MTMR7: variants seen among roughly 807,000 people sequenced by gnomAD.
MTMR7 encodes myotubularin related protein 7, also known as phosphatidylinositol-3-phosphate phosphatase MTMR7.
In MTMR7, 76 loss-of-function variants were observed where a neutral mutation model predicts 81.2. The ratio of observed to expected loss-of-function variants is 0.94; its 90% confidence interval spans 0.78 to 1.13. MTMR7 has a LOEUF of 1.13. MTMR7 is among the 50% of genes most tolerant of loss of function. The probability of loss-of-function intolerance (pLI) is 0.00; values close to 1 mark genes in which losing one functional copy is unlikely to be tolerated. For missense variants in MTMR7, 1,044 were observed against 820.0 expected (o/e 1.27, Z -3.34); for synonymous variants, 372 against 289.8 (o/e 1.28, Z -2.88).
intron 1 of MTMR7, among the ~76,000 whole-genome samples, chr8:17,390,703 A>G (rs1050196884): frequency 3.3e-5 from 5 of 152,176 alleles, no homozygotes; most frequent in Non-Finnish European, 5.9e-5. Context: ...GAAACTTACA[A>G]TCATGGCAGA....
intron 9 of MTMR7, among the ~76,000 whole-genome samples, chr8:17,310,787 A>G (rs1305263824): frequency 6.6e-6 from 1 of 152,182 alleles, no homozygotes; most frequent in Non-Finnish European, 1.5e-5. Flanking sequence ...CTCCTTTGTC[A>G]GCATCTTGTG....
At chr8:17,331,002 T>A in intron 7 of MTMR7, 148 bp downstream of exon 7, 1 of 920,308 alleles carries the variant, frequency 1.1e-6, no homozygotes, top group South Asian at 1.9e-5. Context: ...GAAACGTTCT[T>A]AAGTGTTTAA....
chr8:17,308,063 AATG>A (rs1817575643), intron 10 of MTMR7, among the ~76,000 whole-genome samples: 2 of 151,972 alleles, frequency 1.3e-5, no homozygotes, highest in Non-Finnish European at 2.9e-5. Context: ...ATAAAAATAA[AATG>A]AGGAAGAAAA....
At position 17,296,879 on chromosome 8, in the gene MTMR7, C is replaced by CCAGT. The variant is rs1256727199; in HGVS notation, c.*2979_*2982dup. The CCAGT allele has an allele frequency of 1.3e-5, 2 of 152,036 alleles. No individual in the cohort carries two copies. The allele number at this position is 152,036 out of a possible 1,614,324, so 9.4% of individuals were successfully genotyped here. A position where few individuals can be genotyped will look rare whatever the true frequency, so the allele number is the denominator to read the frequency against. The stretch of plus-strand genomic sequence containing the variant: ...ATTCATTGGATAACCTTGTTACAAC[C>CCAGT]CAGTCATGAAACAGAGCAGTGTGAT... On this transcript the variant is annotated 3_prime_UTR_variant, in exon 14 of 14. Transcript: ENST00000180173.
At chr8:17,395,287 T>C (rs1441370766) in intron 1 of MTMR7, among the ~76,000 whole-genome samples, 2 of 152,214 alleles carry the variant, frequency 1.3e-5, no homozygotes, top group Non-Finnish European at 1.5e-5. Context: ...CCATTGCATG[T>C]ACATATCATA....
chr8:17,339,902 A>G (rs1023637258), intron 6 of MTMR7, among the ~76,000 whole-genome samples: 4 of 152,198 alleles, frequency 2.6e-5, no homozygotes, highest in Non-Finnish European at 5.9e-5. Context: ...TGAACTTCTC[A>G]CCCCACAGGA....
At chr8:17,345,317 G>T (rs1047678351) in intron 5 of MTMR7, among the ~76,000 whole-genome samples, 1 of 152,208 alleles carries the variant, frequency 6.6e-6, no homozygotes, top group Non-Finnish European at 1.5e-5. Flanking sequence ...CCAGAAGCAG[G>T]TTTTAGTTCC....
intron 11 of MTMR7, 29 bp downstream of exon 11, chr8:17,305,721 ATAAAAGT>A (rs1196414211): frequency 6.5e-7 from 1 of 1,542,830 alleles, no homozygotes; most frequent in Non-Finnish European, 8.8e-7. Context: ...AAATCTTTAA[ATAAAAGT>A]TAAACACCAA....
At position 17,371,154 on chromosome 8, in the gene MTMR7, C is replaced by G; in HGVS notation, c.193G>C (p.Ala65Pro). 6.2e-7 allele frequency: 1 copy of G among 1,614,120 alleles called. No homozygotes were observed. Among genetic ancestry groups the G allele is most frequent in the South Asian group, 1.1e-5 (1 of 91,066 alleles). ...CGAATCAGCAGAGGGCATCCGGTAG[C>G]GGTTGTTGCCTGTTTCTCAATGGTG... ...ISTIEKQATT[A>P]TGCPLLIRCK... The change falls in exon 3 of 14, where the codon GCT (alanine) becomes CCT (proline). Residue 65 changes from alanine to proline, a missense_variant. By Grantham distance (27) the Ala-to-Pro change is conservative (BLOSUM62 -1). Coordinates refer to ENST00000180173, the MANE Select transcript of MTMR7 (RefSeq NM_004686.5).
chr8:17,364,408 G>A (rs943409678), intron 3 of MTMR7, among the ~76,000 whole-genome samples: 1 of 152,146 alleles, frequency 6.6e-6, no homozygotes, highest in Non-Finnish European at 1.5e-5. Context: ...ATTGCCTCAA[G>A]TATTTAACAT....
At chr8:17,359,454 G>C (rs1377755853) in intron 4 of MTMR7, among the ~76,000 whole-genome samples, 1 of 151,782 alleles carries the variant, frequency 6.6e-6, no homozygotes, top group Non-Finnish European at 1.5e-5. Context: ...GAAAAATTAA[G>C]CAATTATGGT....
At chr8:17,365,103 G>A (rs142885869) in intron 3 of MTMR7, among the ~76,000 whole-genome samples, 1 of 152,250 alleles carries the variant, frequency 6.6e-6, no homozygotes, top group Non-Finnish European at 1.5e-5. Flanking sequence ...TTTGGTAAAG[G>A]TCATTCTAAC....
intron 12 of MTMR7, among the ~76,000 whole-genome samples, chr8:17,304,078 G>A (rs1304121713): frequency 6.6e-6 from 1 of 152,112 alleles, no homozygotes; most frequent in Non-Finnish European, 1.5e-5. Flanking sequence ...TTTGACTTAA[G>A]GCATTTGCAT....
At chr8:17,315,921 G>A (rs757961169) in intron 7 of MTMR7, among the ~76,000 whole-genome samples, 2 of 152,204 alleles carry the variant, frequency 1.3e-5, no homozygotes, top group Non-Finnish European at 2.9e-5. Context: ...GCTGAGTTGA[G>A]AGGATCACTT....
At chr8:17,376,295 T>C (rs1469225981) in intron 1 of MTMR7, among the ~76,000 whole-genome samples, 2 of 152,232 alleles carry the variant, frequency 1.3e-5, no homozygotes, top group African/African-American at 2.4e-5. Context: ...CCCCATGATA[T>C]ACCATTATAG....
At chr8:17,357,793 G>C (rs1470539303) in intron 4 of MTMR7, among the ~76,000 whole-genome samples, 1 of 152,198 alleles carries the variant, frequency 6.6e-6, no homozygotes, top group Non-Finnish European at 1.5e-5. Flanking sequence ...AAATTAACTA[G>C]CACTGGTGAT....
chr8:17,395,399 T>C (rs1821218039), intron 1 of MTMR7, among the ~76,000 whole-genome samples: 2 of 152,226 alleles, frequency 1.3e-5, no homozygotes, highest in South Asian at 4.1e-4. Flanking sequence ...AGTATCTGTT[T>C]GTGTCCCTGT....
chr8:17,392,400 G>A (rs1378749952), intron 1 of MTMR7, among the ~76,000 whole-genome samples: 2 of 152,286 alleles, frequency 1.3e-5, no homozygotes, highest in South Asian at 4.1e-4. Flanking sequence ...TTCCTCACAA[G>A]CATATAAATG....
chr8:17,383,959 C>T (rs984881185), intron 1 of MTMR7, among the ~76,000 whole-genome samples: 2 of 152,132 alleles, frequency 1.3e-5, no homozygotes, highest in Non-Finnish European at 2.9e-5. Context: ...ATTCTCAAGT[C>T]ATTTTTATTT....
Sources: allele counts gnomAD v4.1 joint callset (sites outside exome capture counted in the v4.1 genomes callset), GRCh38; gene constraint gnomAD v4.1.1; transcripts MANE v1.5; gene names NCBI Gene and HGNC (gene_info 2026-07-23, HGNC 2026-07-21).